SYNE2: variants seen among roughly 807,000 people sequenced by gnomAD.
SYNE2 encodes spectrin repeat containing nuclear envelope protein 2, also known as nesprin-2.
A neutral mutation model predicts 856.3 loss-of-function variants in SYNE2; 431 were observed. That is an observed-to-expected ratio of 0.50 (90% CI 0.47 to 0.55). The LOEUF is 0.55. Among genes scored for constraint, SYNE2 ranks in the 20% least tolerant of loss-of-function variants. The probability of loss-of-function intolerance (pLI) is 0.00; values close to 1 mark genes in which losing one functional copy is unlikely to be tolerated. For synonymous variants in SYNE2, 2,923 were observed against 2,872.3 expected, an observed-to-expected ratio of 1.02 and a Z score of -0.56; for missense variants, 8,129 against 8,023.2, an observed-to-expected ratio of 1.01 and a Z score of -0.50.
intron 103 of SYNE2, 116 bp from the exon 104 acceptor site, chr14:64,211,845 G>A (rs2098642951): frequency 4.7e-6 from 7 of 1,493,498 alleles, no homozygotes; most frequent in African/African-American, 1.4e-5. Context: ...CCTAGAGGCA[G>A]ATTTCTCCCT....
rs1170771574 is a variant in SYNE2 at position 64,144,893 on chromosome 14, C to T, written c.15483+945C>T. ...TAGGGGAATAGTTCATCGAATTATACTGTATTAATTTGATGAAACATTGGG... is the reference window on the plus strand; with the variant it reads ...TAGGGGAATAGTTCATCGAATTATATTGTATTAATTTGATGAAACATTGGG... On this transcript the variant is annotated intron_variant, in intron 83 of 115. Transcript: ENST00000555002. Among the ~76,000 whole-genome samples, 4 of 146,980 alleles carry T rather than the reference C, an allele frequency of 2.7e-5. No homozygotes were observed. In the South Asian group the frequency reaches 8.8e-4, roughly 32 times the overall value.
At chr14:63,934,547 C>T (rs1312243080) in intron 2 of SYNE2, among the ~76,000 whole-genome samples, 3 of 151,376 alleles carry the variant, frequency 2.0e-5, no homozygotes, top group African/African-American at 4.8e-5. Flanking sequence ...TGAAATGACC[C>T]CTCATCTTAT....
chr14:63,895,809 T>C (rs951295106), intron 1 of SYNE2, among the ~76,000 whole-genome samples: 2 of 149,102 alleles, frequency 1.3e-5, no homozygotes, highest in African/African-American at 5.0e-5. Context: ...AGAAAAAATT[T>C]ACATTTTTGT....
chr14:63,899,832 A>G (rs1342975296), intron 1 of SYNE2, among the ~76,000 whole-genome samples: 2 of 152,204 alleles, frequency 1.3e-5, no homozygotes, highest in Non-Finnish European at 2.9e-5. Flanking sequence ...TATGGTGACT[A>G]GCTTTTAATT....
At chr14:63,862,907 A>G (rs963855163) in intron 1 of SYNE2, among the ~76,000 whole-genome samples, 1 of 151,672 alleles carries the variant, frequency 6.6e-6, no homozygotes, top group Non-Finnish European at 1.5e-5. Flanking sequence ...AAGTGATTCT[A>G]CTGCCTCAGC....
rs775377491 is a variant in SYNE2 at position 63,942,082 on chromosome 14, T to C, written c.347T>C (p.Ile116Thr). Residue 116 changes from isoleucine to threonine, a missense_variant, in exon 6 of 116, where the codon ATC becomes ACC. By Grantham distance (89) the Ile-to-Thr change is moderately conservative. This residue lies in a region of SYNE2 where 2,422 missense variants were observed against 2,357.4 expected (regional missense o/e 1.03). Transcript: ENST00000555002. Reference protein sequence around the residue: ...IKLINIHVTDIIDGNPSIILG... With the variant: ...IKLINIHVTDTIDGNPSIILG... ...CTAATAAATATTCATGTTACTGATA[T>C]CATTGATGGAAACCCATCCATTATC... 1.2e-6 allele frequency: 2 copies of C among 1,611,698 alleles called. No homozygotes were observed. Among genetic ancestry groups the C allele is most frequent in the Admixed American group, 3.3e-5 (2 of 60,020 alleles).
intron 2 of SYNE2, among the ~76,000 whole-genome samples, chr14:63,921,274 T>C (rs2095598095): frequency 6.6e-6 from 1 of 151,914 alleles, no homozygotes; most frequent in Non-Finnish European, 1.5e-5. Flanking sequence ...GAGTTCGAGA[T>C]GTCTATGGAA....
At position 64,226,353 on chromosome 14, in the gene SYNE2, G is replaced by C. The variant is rs870404; in HGVS notation, c.*827G>C. The C allele has an allele frequency of 1.3e-5, 2 of 151,004 alleles. No homozygotes were observed. Among genetic ancestry groups the C allele is most frequent in the Middle Eastern group, 3.4e-3 (1 of 294 alleles). The allele number at this position is 151,004 out of a possible 1,614,324, so 9.4% of individuals were successfully genotyped here. On this transcript the variant is annotated 3_prime_UTR_variant, in exon 116 of 116. Coordinates refer to ENST00000555002, the MANE Select transcript of SYNE2 (RefSeq NM_182914.3). Reference sequence around the variant, plus strand: ...GTTTGGCCACGGCGGGGGTGGGGGCGGGGGGTTGGTACAGAAACTTGAAGC... The same window carrying C: ...GTTTGGCCACGGCGGGGGTGGGGGCCGGGGGTTGGTACAGAAACTTGAAGC...
At chr14:63,974,878 GTGTGTGTGTGTGTGTATATATATA>G (rs2096524759) in intron 11 of SYNE2, among the ~76,000 whole-genome samples, 2 of 29,348 alleles carry the variant, frequency 6.8e-5, no homozygotes, top group African/African-American at 1.1e-4. Flanking sequence ...GTGTGTGTGT[GTGTGTGTGTGTGTGTATATATATA>G]TATATATATA....
At chr14:63,783,984 A>G (rs1162939070) in intron 1 of SYNE2, among the ~76,000 whole-genome samples, 1 of 152,216 alleles carries the variant, frequency 6.6e-6, no homozygotes. Context: ...AAATGTATCA[A>G]GGGGTAAAGA....
rs940427417 is a variant in SYNE2, at chr14:63,771,347, A to G, written c.-305+9361A>G. Among the ~76,000 whole-genome samples the G allele has an allele frequency of 1.3e-5, 2 of 151,796 alleles. 1 individual carries two copies. The highest frequency in any genetic ancestry group is 4.2e-4 in the South Asian group (2 of 4,814). ...GGCCTCCCAAAGTGCTGGGATTACA[A>G]GCGTGAGCCACCGCGCCCGGCCCCT... On this transcript the variant is annotated intron_variant, in intron 1 of 23. Coordinates refer to the SYNE2 transcript ENST00000674003.
chr14:63,989,042 T>G (rs1433695980), intron 19 of SYNE2, among the ~76,000 whole-genome samples: 1 of 152,250 alleles, frequency 6.6e-6, no homozygotes, highest in African/African-American at 2.4e-5. Flanking sequence ...TAATGGGTAC[T>G]TATTTGACTA....
intron 17 of SYNE2, 22 bp from the exon 18 acceptor site, chr14:63,983,715 T>A (rs367549548): frequency 4.5e-4 from 726 of 1,597,018 alleles, no homozygotes; most frequent in Non-Finnish European, 5.4e-4. Context: ...AGTATTACAT[T>A]TCATGAAATT....
chr14:63,856,010 A>T (rs1448286082), intron 1 of SYNE2, among the ~76,000 whole-genome samples: 1 of 152,204 alleles, frequency 6.6e-6, no homozygotes, highest in Non-Finnish European at 1.5e-5. Context: ...TTGTTGTGGC[A>T]TAAGAGGTTG....
At chr14:63,907,797 A>C (rs544375990) in intron 1 of SYNE2, among the ~76,000 whole-genome samples, 1 of 152,174 alleles carries the variant, frequency 6.6e-6, no homozygotes, top group African/African-American at 2.4e-5. Context: ...GCCAAGGCTC[A>C]TGGTGAACTA....
rs765762035 is a variant in SYNE2, at chr14:64,220,514, C to A, written c.19938C>A (p.Thr6646=). Residue 6646 remains threonine (T), a synonymous_variant, in exon 111 of 116, where the codon ACC becomes ACA. Coordinates refer to ENST00000555002, the MANE Select transcript of SYNE2 (RefSeq NM_182914.3). ...VNVSSKEFLQ[T]ESPESTELQS... is the part of the protein sequence containing the mutation. ...TGAGCAGCAAGGAATTTCTGCAAAC[C>A]GAGAGCCCCGAATCCACAGAGCTCC... The A allele has an allele frequency of 6.2e-7, 1 of 1,614,146 alleles. No homozygotes were observed. Among genetic ancestry groups the A allele is most frequent in the Non-Finnish European group, 8.5e-7 (1 of 1,180,030 alleles).
In SYNE2 at chr14:63,926,133, C is replaced by T. The variant is rs560446480; in HGVS notation, c.80-14481C>T. ...TGTTAGGATTACAGGTGTGAGCCAC[C>T]GCACCTGGCTAGGATTTTAGAACAT... is the stretch of plus-strand genomic sequence containing the variant. On this transcript the variant is annotated intron_variant, in intron 2 of 115. Coordinates refer to ENST00000555002, the MANE Select transcript of SYNE2 (RefSeq NM_182914.3). Among the ~76,000 whole-genome samples the T allele has an allele frequency of 1.2e-4, 19 of 152,116 alleles. No individual in the cohort carries two copies. In the South Asian group the frequency reaches 2.1e-3, roughly 17 times the overall value.
At chr14:64,199,835 A>G (rs2098554529) in intron 99 of SYNE2, among the ~76,000 whole-genome samples, 1 of 152,158 alleles carries the variant, frequency 6.6e-6, no homozygotes. Flanking sequence ...TTATAATTTT[A>G]AAGCATACAC....
intron 53 of SYNE2, among the ~76,000 whole-genome samples, chr14:64,075,191 A>G (rs763700300): frequency 2.6e-5 from 4 of 152,242 alleles, no homozygotes; most frequent in Admixed American, 6.5e-5. Flanking sequence ...ATGAACACAA[A>G]TAATGCTACT....
Sources: allele counts gnomAD v4.1 joint callset (sites outside exome capture counted in the v4.1 genomes callset), GRCh38; gene constraint gnomAD v4.1.1; regional missense constraint gnomAD v4.1.1; transcripts MANE v1.5; gene names NCBI Gene and HGNC (gene_info 2026-07-23, HGNC 2026-07-21).